Variants in PISD observed in about 807,000 individuals in gnomAD.
The protein encoded by PISD is phosphatidylserine decarboxylase.
A neutral mutation model predicts 43.5 loss-of-function variants in PISD; 31 were observed. The observed-to-expected ratio is 0.71, with a 90% CI of 0.54 to 0.96. PISD has a LOEUF of 0.96. Ranked by LOEUF, PISD falls within the 40% of genes least tolerant of loss-of-function variation. PISD has a pLI of 0.00. For synonymous variants in PISD, 259 were observed against 228.7 expected, an observed-to-expected ratio of 1.13 and a Z score of -1.20; for missense variants, 523 against 548.4, an observed-to-expected ratio of 0.95 and a Z score of 0.46.
chr22:31,622,392 G>A (rs575615631), intron 3 of PISD, among the ~76,000 whole-genome samples: 116 of 152,336 alleles, frequency 7.6e-4, no homozygotes, highest in African/African-American at 2.5e-3. Context: ...CAGGAAGAAG[G>A]AGGATACCCT....
chr22:31,643,365 C>T (rs1268605660), intron 3 of PISD, among the ~76,000 whole-genome samples: 1 of 152,112 alleles, frequency 6.6e-6, no homozygotes, highest in Non-Finnish European at 1.5e-5. Context: ...AAACTGGATA[C>T]CCACATGCAA....
At chr22:31,628,128 G>A (rs780478293) in intron 3 of PISD, 11 of 985,658 alleles carry the variant, frequency 1.1e-5, no homozygotes, top group Non-Finnish European at 1.3e-5. Context: ...CACCAGCTGT[G>A]GGCCCCAGAA....
intron 3 of PISD, chr22:31,628,326 C>G: frequency 2.8e-6 from 1 of 358,362 alleles, no homozygotes; most frequent in Non-Finnish European, 3.9e-6. Flanking sequence ...CTGGCTTGCC[C>G]TCTGCCTATG....
chr22:31,632,525 C>T (rs1047756385), intron 3 of PISD, among the ~76,000 whole-genome samples: 1 of 152,140 alleles, frequency 6.6e-6, no homozygotes, highest in African/African-American at 2.4e-5. Context: ...CACGTTCTCC[C>T]CATGTCTGCA....
At chr22:31,653,031 C>A (rs2074071430) in intron 1 of PISD, among the ~76,000 whole-genome samples, 1 of 144,614 alleles carries the variant, frequency 6.9e-6, no homozygotes, top group African/African-American at 2.6e-5. Flanking sequence ...AGAGTAGGAC[C>A]CTACCTTAAA....
chr22:31,637,128 T>A (rs1167025708), intron 3 of PISD, among the ~76,000 whole-genome samples: 14 of 69,064 alleles, frequency 2.0e-4, no homozygotes, highest in Admixed American at 3.3e-4. Flanking sequence ...CAAAAAAAAA[T>A]AATAATAAAT....
chr22:31,628,114 A>G (rs925356559), intron 3 of PISD: 4 of 985,494 alleles, frequency 4.1e-6, no homozygotes, highest in African/African-American at 1.7e-5. Flanking sequence ...CAGTGCCTCC[A>G]TATCACCAGC....
intron 6 of PISD, 64 bp from the exon 7 acceptor site, chr22:31,620,777 C>A: frequency 6.3e-7 from 1 of 1,590,170 alleles, no homozygotes. Flanking sequence ...CCATGGCAGC[C>A]AAGACCCAAA....
intron 3 of PISD, chr22:31,627,963 AC>A: frequency 1.1e-6 from 1 of 927,308 alleles, no homozygotes. Flanking sequence ...CCCTGGAGAG[AC>A]TAAGAACCAT....
At chr22:31,658,518 T>C (rs1399903048) in intron 1 of PISD, among the ~76,000 whole-genome samples, 2 of 151,742 alleles carry the variant, frequency 1.3e-5, no homozygotes. Flanking sequence ...CACTAGTCTG[T>C]CTCCATGGCA....
chr22:31,619,896 C>T, intron 7 of PISD, 60 bp from the exon 8 acceptor site: 2 of 1,142,152 alleles, frequency 1.8e-6, no homozygotes, highest in Non-Finnish European at 2.5e-6. Flanking sequence ...GTGTCACCCC[C>T]ACATGTGTTT....
intron 3 of PISD, among the ~76,000 whole-genome samples, chr22:31,642,060 A>G (rs1381077275): frequency 6.6e-6 from 1 of 151,080 alleles, no homozygotes. Flanking sequence ...ATGCTCTGCA[A>G]CATTATTCAT....
At chr22:31,637,980 AC>A (rs2089979570) in intron 3 of PISD, among the ~76,000 whole-genome samples, 1 of 152,198 alleles carries the variant, frequency 6.6e-6, no homozygotes, top group Admixed American at 6.5e-5. Flanking sequence ...CCCCAGACAG[AC>A]CCAGAGGCCG....
intron 1 of PISD, among the ~76,000 whole-genome samples, chr22:31,656,716 C>T (rs2074189806): frequency 6.6e-6 from 1 of 152,026 alleles, no homozygotes; most frequent in South Asian, 2.1e-4. Flanking sequence ...CACATCTTGT[C>T]AGCCTCTCAG....
intron 2 of PISD, among the ~76,000 whole-genome samples, 156 bp downstream of exon 2, chr22:31,650,543 A>AG (rs1479311444): frequency 6.6e-6 from 1 of 151,132 alleles, no homozygotes; most frequent in Non-Finnish European, 1.5e-5. Flanking sequence ...AAAAAAAAAG[A>AG]AAAAGAAAAC....
At chr22:31,642,379 C>T (rs952926214) in intron 3 of PISD, among the ~76,000 whole-genome samples, 3 of 151,252 alleles carry the variant, frequency 2.0e-5, no homozygotes, top group East Asian at 1.9e-4. Flanking sequence ...TGCTTAAACT[C>T]GGAAGGTTAA....
Position 31,643,026 on chromosome 22 carries a change from C to T in PISD, c.321+5075G>A, listed in dbSNP as rs189505804. Among the ~76,000 whole-genome samples the T allele has an allele frequency of 7.5e-4, 113 of 150,366 alleles. 1 individual carries two copies. The Middle Eastern group carries it at 0.024, about 32-fold the overall frequency. ...CTGAAGCAGGAAAATTGCTTGAACC[C>T]GGGAGGCGGAAGTTGCAGTGAGCAG... On this transcript the variant is annotated intron_variant, in intron 3 of 7. Coordinates refer to ENST00000439502, the MANE Select transcript of PISD (RefSeq NM_001326411.2).
intron 2 of PISD, among the ~76,000 whole-genome samples, chr22:31,649,678 A>G (rs2073982835): frequency 6.6e-6 from 1 of 152,120 alleles, no homozygotes; most frequent in Admixed American, 6.6e-5. Context: ...GCTTGCAGTG[A>G]GCCGAGATCC....
intron 3 of PISD, among the ~76,000 whole-genome samples, chr22:31,646,057 C>G (rs1393115869): frequency 6.6e-6 from 1 of 151,904 alleles, no homozygotes; most frequent in Non-Finnish European, 1.5e-5. Context: ...AACTCCAAGT[C>G]CAGACCATTT....
Sources: gnomAD v4.1 joint callset for allele counts (sites outside exome capture counted in the v4.1 genomes callset) on GRCh38, gnomAD v4.1.1 for gene constraint, MANE v1.5 for transcripts, NCBI Gene and HGNC (gene_info 2026-07-23, HGNC 2026-07-21) for gene names.